Variants in ATP2B1 observed in about 807,000 individuals in gnomAD.
ATP2B1 encodes the protein ATPase plasma membrane Ca2+ transporting 1, also known as plasma membrane calcium-transporting ATPase 1.
ATP2B1 carries 14 observed loss-of-function variants against 124.2 expected under a neutral mutation model. That is an observed-to-expected ratio of 0.11 (90% CI 0.07 to 0.18). ATP2B1 has a LOEUF of 0.18. Among genes scored for constraint, ATP2B1 ranks in the 10% least tolerant of loss-of-function variants. The pLI, the probability that ATP2B1 is intolerant of heterozygous loss-of-function variation, is 1.00. For missense variants in ATP2B1, 763 were observed against 1,466.1 expected, an observed-to-expected ratio of 0.52 and a Z score of 7.83; for synonymous variants, 449 against 492.4, an observed-to-expected ratio of 0.91 and a Z score of 1.17.
At chr12:89,703,539 C>G (rs1892105567) in intron 1 of ATP2B1, among the ~76,000 whole-genome samples, 1 of 152,032 alleles carries the variant, frequency 6.6e-6, no homozygotes, top group African/African-American at 2.4e-5. Flanking sequence ...AAGAGCTAGA[C>G]TAAAGGATAA....
intron 10 of ATP2B1, among the ~76,000 whole-genome samples, chr12:89,620,986 A>T (rs1879865410): frequency 1.3e-5 from 2 of 152,180 alleles, no homozygotes; most frequent in Admixed American, 1.3e-4. Context: ...AGTCAAACAT[A>T]ACATCGCATT....
intron 19 of ATP2B1, among the ~76,000 whole-genome samples, chr12:89,600,791 G>C (rs1026190605): frequency 6.6e-6 from 1 of 151,944 alleles, no homozygotes; most frequent in African/African-American, 2.4e-5. Flanking sequence ...TGGGATTACA[G>C]GCGCCTGCCA....
chr12:89,684,067 A>G lies in ATP2B1; in HGVS notation c.-222+24529T>C, dbSNP rs138791891. 1.5e-3 allele frequency among the ~76,000 whole-genome samples: 226 copies of G among 152,286 alleles called. 2 individuals carry two copies. The highest frequency in any genetic ancestry group is 5.2e-3 in the African/African-American group (217 of 41,548). ...TCCAAGATATATCCATTAGGGGGGA[A>G]AAAAAGCAAAGTACAAAACACATGC... On this transcript the variant is annotated intron_variant, in intron 1 of 20. Coordinates refer to ENST00000428670, the MANE Select transcript of ATP2B1 (RefSeq NM_001366521.1).
chr12:89,669,635 T>C (rs1339012838), intron 1 of ATP2B1, among the ~76,000 whole-genome samples: 2 of 152,200 alleles, frequency 1.3e-5, no homozygotes, highest in Admixed American at 1.3e-4. Context: ...CATCCCAATG[T>C]CTTAGAGCTA....
At chr12:89,608,030 TAAAAA>T (rs56394845) in intron 15 of ATP2B1, among the ~76,000 whole-genome samples, 1 of 147,892 alleles carries the variant, frequency 6.8e-6, no homozygotes. Flanking sequence ...TTCTTGTAAC[TAAAAA>T]AAAAACTCTA....
At chr12:89,611,070 T>A (rs1001998388) in intron 13 of ATP2B1, 123 bp downstream of exon 13, 9 of 880,506 alleles carry the variant, frequency 1.0e-5, no homozygotes, top group Admixed American at 6.5e-5. Flanking sequence ...TCCTAAGGTA[T>A]AGACTGCATT....
chr12:89,681,820 T>C (rs1381224139), intron 1 of ATP2B1, among the ~76,000 whole-genome samples: 1 of 152,146 alleles, frequency 6.6e-6, no homozygotes, highest in Non-Finnish European at 1.5e-5. Flanking sequence ...ATTATCTTAA[T>C]TAATGGGGAA....
chr12:89,657,044 A>C (rs1886042846), intron 1 of ATP2B1, among the ~76,000 whole-genome samples: 1 of 152,160 alleles, frequency 6.6e-6, no homozygotes, highest in Non-Finnish European at 1.5e-5. Context: ...CTGCCTAAAG[A>C]TAAGCTCTCC....
intron 15 of ATP2B1, among the ~76,000 whole-genome samples, chr12:89,605,417 A>G (rs1478436373): frequency 6.6e-6 from 1 of 152,064 alleles, no homozygotes; most frequent in Non-Finnish European, 1.5e-5. Flanking sequence ...ATCAAGAGTG[A>G]CATCATTATA....
chr12:89,663,542 TAC>T (rs1886947988), intron 1 of ATP2B1, among the ~76,000 whole-genome samples: 1 of 152,030 alleles, frequency 6.6e-6, no homozygotes, highest in African/African-American at 2.4e-5. Flanking sequence ...TAATAATGAA[TAC>T]AATCTTACCC....
chr12:89,598,503 G>C (rs909897284), intron 20 of ATP2B1: 27 of 1,400,488 alleles, frequency 1.9e-5, no homozygotes, highest in Non-Finnish European at 2.6e-5. Flanking sequence ...CCTGAACAAT[G>C]AATTCAAACA....
At chr12:89,615,658 C>G (rs1293261223) in intron 12 of ATP2B1, among the ~76,000 whole-genome samples, 2 of 152,156 alleles carry the variant, frequency 1.3e-5, no homozygotes, top group Non-Finnish European at 2.9e-5. Context: ...ACTGCTCGCT[C>G]TCTTTCTTGG....
At chr12:89,639,418 C>T (rs1363107953) in intron 3 of ATP2B1, among the ~76,000 whole-genome samples, 2 of 151,916 alleles carry the variant, frequency 1.3e-5, no homozygotes, top group African/African-American at 4.8e-5. Context: ...GCAGCAGAAT[C>T]GCTTGAACCT....
At chr12:89,671,989 C>G (rs1888051106) in intron 1 of ATP2B1, among the ~76,000 whole-genome samples, 1 of 152,044 alleles carries the variant, frequency 6.6e-6, no homozygotes, top group Non-Finnish European at 1.5e-5. Context: ...TCCTTTACCC[C>G]AAGAGAGGAG....
intron 1 of ATP2B1, among the ~76,000 whole-genome samples, chr12:89,678,580 G>T (rs1227597396): frequency 6.6e-6 from 1 of 152,074 alleles, no homozygotes; most frequent in Admixed American, 6.6e-5. Context: ...AATATATTTA[G>T]ACAATGGGAT....
chr12:89,678,969 T>G (rs545730561), intron 1 of ATP2B1, among the ~76,000 whole-genome samples: 9 of 152,302 alleles, frequency 5.9e-5, no homozygotes, highest in African/African-American at 2.2e-4. Context: ...ACATTTACAT[T>G]TCCCATTTCA....
chr12:89,616,313 C>CT (rs1878957858), intron 12 of ATP2B1, among the ~76,000 whole-genome samples: 3 of 152,150 alleles, frequency 2.0e-5, no homozygotes, highest in African/African-American at 2.4e-5. Context: ...ATGACAACTA[C>CT]TAGCAAGATA....
intron 1 of ATP2B1, among the ~76,000 whole-genome samples, chr12:89,690,252 T>G (rs963411946): frequency 1.3e-5 from 2 of 152,130 alleles, no homozygotes; most frequent in Non-Finnish European, 2.9e-5. Flanking sequence ...GCTTAAAACA[T>G]TTGCTCTCCT....
In ATP2B1 at chr12:89,661,881, T is replaced by C. The variant is rs953326446; in HGVS notation, c.-221-5774A>G. 3.9e-5 allele frequency among the ~76,000 whole-genome samples: 6 copies of C among 152,308 alleles called. No individual in the cohort carries two copies. In the South Asian group the frequency reaches 1.0e-3, roughly 26 times the overall value. On this transcript the variant is annotated intron_variant, in intron 1 of 20. Transcript: ENST00000428670. ...GTTGCTATTGGCATTTTATTGACAGTGACAGCTACCTCGTGAGTTTAAAAA... is the reference window on the plus strand; with the variant it reads ...GTTGCTATTGGCATTTTATTGACAGCGACAGCTACCTCGTGAGTTTAAAAA...
Sources: allele counts gnomAD v4.1 joint callset (sites outside exome capture counted in the v4.1 genomes callset), GRCh38; gene constraint gnomAD v4.1.1; transcripts MANE v1.5; gene names NCBI Gene and HGNC (gene_info 2026-07-23, HGNC 2026-07-21).